MBNL1: variants seen among roughly 807,000 people sequenced by gnomAD.
MBNL1 encodes the protein muscleblind-like protein 1.
MBNL1 carries 8 observed loss-of-function variants against 42.2 expected under a neutral mutation model. The ratio of observed to expected loss-of-function variants is 0.19; its 90% confidence interval spans 0.11 to 0.34. MBNL1 has a LOEUF of 0.34. MBNL1 is among the 10% of genes least tolerant of loss of function. The probability of loss-of-function intolerance (pLI) is 1.00; values close to 1 mark genes in which losing one functional copy is unlikely to be tolerated. For synonymous variants in MBNL1, 169 were observed against 173.9 expected (o/e 0.97, Z 0.22); for missense variants, 309 against 495.3 (o/e 0.62, Z 3.57).
intron 3 of MBNL1, among the ~76,000 whole-genome samples, chr3:152,419,041 C>T (rs1473926564): frequency 6.6e-6 from 1 of 152,026 alleles, no homozygotes; most frequent in Non-Finnish European, 1.5e-5. Context: ...TAAACATAAT[C>T]TCATTTCATA....
At chr3:152,264,100 C>T (rs954492126), upstream of MBNL1, 1 of 152,014 alleles carries the variant, frequency 6.6e-6, no homozygotes, top group African/African-American at 2.4e-5. Flanking sequence ...TTTCATAGCG[C>T]TTATCTCCAT....
chr3:152,453,429 G>A (rs1220887585), intron 6 of MBNL1, among the ~76,000 whole-genome samples: 1 of 152,124 alleles, frequency 6.6e-6, no homozygotes, highest in African/African-American at 2.4e-5. Flanking sequence ...ACACCATTCT[G>A]CTCTGCAAAT....
chr3:152,353,670 C>G (rs62272738), intron 2 of MBNL1, among the ~76,000 whole-genome samples: 1 of 81,746 alleles, frequency 1.2e-5, no homozygotes, highest in Non-Finnish European at 2.3e-5. Context: ...CTCAACAAAT[C>G]CTTTTTTTTT....
chr3:152,254,646 ATCAAGGTTAGTTATATGTAT>A (rs2035188079), intron 2 of MBNL1, among the ~76,000 whole-genome samples: 1 of 152,156 alleles, frequency 6.6e-6, no homozygotes, highest in Non-Finnish European at 1.5e-5. Context: ...CATCCAAAAT[ATCAAGGTTAGTTATATGTAT>A]TAACATATAA....
intron 4 of MBNL1, among the ~76,000 whole-genome samples, chr3:152,444,645 C>G (rs1270949211): frequency 2.6e-5 from 4 of 152,126 alleles, no homozygotes; most frequent in African/African-American, 9.7e-5. Context: ...CATAGATATG[C>G]TGCTGTTTAA....
intron 8 of MBNL1, 33 bp from the exon 9 acceptor site, chr3:152,459,237 TG>T: frequency 8.0e-7 from 1 of 1,245,450 alleles, no homozygotes; most frequent in Non-Finnish European, 1.1e-6. Context: ...CTTGCTTGCA[TG>T]GATCATTCAT....
intron 2 of MBNL1, among the ~76,000 whole-genome samples, chr3:152,386,004 G>C (rs1290773509): frequency 1.3e-5 from 2 of 152,020 alleles, no homozygotes; most frequent in East Asian, 3.8e-4. Context: ...GTGGTATTTA[G>C]AATGTTTAGA....
chr3:152,366,371 A>T (rs992038911), intron 2 of MBNL1, among the ~76,000 whole-genome samples: 1 of 152,044 alleles, frequency 6.6e-6, no homozygotes, highest in Admixed American at 6.6e-5. Context: ...TTTTTATAGC[A>T]CTTAATGTTA....
At chr3:152,378,370 C>CA (rs1191285204) in intron 2 of MBNL1, among the ~76,000 whole-genome samples, 1 of 151,984 alleles carries the variant, frequency 6.6e-6, no homozygotes, top group Non-Finnish European at 1.5e-5. Context: ...TCTAGCTACT[C>CA]AAGAGAGATA....
chr3:152,350,578 A>G (rs1281324427), intron 2 of MBNL1, among the ~76,000 whole-genome samples: 1 of 152,110 alleles, frequency 6.6e-6, no homozygotes, highest in Non-Finnish European at 1.5e-5. Flanking sequence ...GTGGAGAGTG[A>G]AAGAATGAAT....
chr3:152,329,442 C>T (rs1466540276), intron 2 of MBNL1, among the ~76,000 whole-genome samples: 1 of 151,294 alleles, frequency 6.6e-6, no homozygotes, highest in African/African-American at 2.4e-5. Context: ...CCCCAAGGAA[C>T]ATAGTGAGAC....
chr3:152,340,650 C>T, intron 2 of MBNL1: 1 of 1,613,982 alleles, frequency 6.2e-7, no homozygotes, highest in Non-Finnish European at 8.5e-7. Context: ...CGTAAATGTT[C>T]CAGAGTGTTA....
At chr3:152,377,655 TG>T (rs2096969283) in intron 2 of MBNL1, among the ~76,000 whole-genome samples, 1 of 152,222 alleles carries the variant, frequency 6.6e-6, no homozygotes, top group South Asian at 2.1e-4. Context: ...TTAACATATT[TG>T]GAGGCCACAT....
chr3:152,276,955 A>G (rs1342069840), intron 1 of MBNL1, among the ~76,000 whole-genome samples: 1 of 152,132 alleles, frequency 6.6e-6, no homozygotes, highest in Non-Finnish European at 1.5e-5. Flanking sequence ...TGATAAGGTT[A>G]GGCTGCATAG....
intron 1 of MBNL1, among the ~76,000 whole-genome samples, chr3:152,289,077 G>A (rs1231950580): frequency 2.0e-5 from 3 of 149,062 alleles, no homozygotes; most frequent in African/African-American, 7.3e-5. Context: ...ATTCGTAAAG[G>A]TTTTCTTAAA....
intron 6 of MBNL1, among the ~76,000 whole-genome samples, chr3:152,453,016 AATC>A (rs1056640498): frequency 2.0e-5 from 3 of 151,880 alleles, no homozygotes; most frequent in South Asian, 2.1e-4. Context: ...TAATACATAT[AATC>A]ATTTATAATT....
At chr3:152,420,188 A>G (rs569984473) in intron 3 of MBNL1, among the ~76,000 whole-genome samples, 1 of 152,332 alleles carries the variant, frequency 6.6e-6, no homozygotes, top group Non-Finnish European at 1.5e-5. Context: ...CAGCTTCAGC[A>G]GACTTAAATG....
intron 2 of MBNL1, among the ~76,000 whole-genome samples, chr3:152,346,366 T>C (rs1363957537): frequency 6.6e-6 from 1 of 152,170 alleles, no homozygotes; most frequent in Admixed American, 6.6e-5. Flanking sequence ...CATCGTTTAT[T>C]TATATTCCTT....
intron 5 of MBNL1, 46 bp downstream of exon 5, chr3:152,445,585 A>G: frequency 1.3e-6 from 2 of 1,560,572 alleles, no homozygotes; most frequent in Non-Finnish European, 1.7e-6. Context: ...TCAGAAAAGC[A>G]AAGTGAGCAA....
Sources: gnomAD v4.1 joint callset for allele counts (sites outside exome capture counted in the v4.1 genomes callset) on GRCh38, gnomAD v4.1.1 for gene constraint, MANE v1.5 for transcripts, NCBI Gene and HGNC (gene_info 2026-07-23, HGNC 2026-07-21) for gene names.